The following LCOR variants were observed in gnomAD, a reference collection of about 807,000 sequenced individuals.
The protein encoded by LCOR is ligand-dependent corepressor.
In LCOR, 14 loss-of-function variants were observed where a neutral mutation model predicts 64.4. The ratio of observed to expected loss-of-function variants is 0.22; its 90% CI spans 0.14 to 0.34. LCOR has a LOEUF of 0.34. Ranked by LOEUF, LCOR falls within the 10% of genes least tolerant of loss-of-function variation. LCOR has a pLI of 1.00. For missense variants in LCOR, 1,686 were observed against 1,765.3 expected, an observed-to-expected ratio of 0.96 and a Z score of 0.80; for synonymous variants, 643 against 642.5, an observed-to-expected ratio of 1.00 and a Z score of -0.01.
At chr10:96,891,924 G>C (rs7912176) in intron 2 of LCOR, among the ~76,000 whole-genome samples, 53,438 of 151,974 alleles carry the variant, frequency 0.35, 13,383 homozygotes, top group African/African-American at 0.7. Context: ...TTTCCTGTTA[G>C]TGATTTCTAA....
In LCOR at chr10:96,988,726, A is replaced by G. The variant is rs1285497313; in HGVS notation, c.*3592A>G. 2 of 152,198 alleles carry G rather than the reference A, an allele frequency of 1.3e-5. No individual in the cohort carries two copies. Among genetic ancestry groups the G allele is most frequent in the Non-Finnish European group, 2.9e-5 (2 of 68,036 alleles). 9.4% of individuals were successfully genotyped at this position (152,198 alleles called of 1,614,324 possible). ...GCATGCTATGTGATACAAGCTGGAG[A>G]TGCTGTAGTGTTACTATCAGCAAGT... On this transcript the variant is annotated 3_prime_UTR_variant, in exon 8 of 8. Transcript: ENST00000421806.
chr10:96,893,522 T>C (rs969067837), intron 2 of LCOR, among the ~76,000 whole-genome samples: 3 of 152,136 alleles, frequency 2.0e-5, no homozygotes, highest in Admixed American at 6.5e-5. Flanking sequence ...CCCAGCACTT[T>C]GGGAGGCCGA....
intron 7 of LCOR, chr10:96,956,512 A>G: frequency 2.0e-6 from 2 of 983,092 alleles, no homozygotes; most frequent in South Asian, 4.7e-5. Flanking sequence ...TTATAGTTAC[A>G]TTTTATAATT....
At chr10:96,847,406 TTTTATTTA>T (rs137983276) in intron 2 of LCOR, among the ~76,000 whole-genome samples, 8,533 of 150,898 alleles carry the variant, frequency 0.057, 550 homozygotes, top group East Asian at 0.28. Context: ...GTCAAGAGTA[TTTTATTTA>T]TTTATTTATT....
intron 4 of LCOR, among the ~76,000 whole-genome samples, chr10:96,922,963 C>T (rs992904508): frequency 2.0e-5 from 3 of 152,186 alleles, no homozygotes; most frequent in Non-Finnish European, 4.4e-5. Flanking sequence ...GTCTGCTTAA[C>T]AGTCAGTGGT....
rs117151989 is a variant in LCOR, at chr10:96,911,394, G to T, written c.-184+3647G>T. On this transcript the variant is annotated intron_variant, in intron 4 of 7. Transcript: ENST00000421806. ...ATTACAGCGTGAGCCACCACGCCCTGCCACTCCTATTTAATCTTCAAAACA... is the reference window on the plus strand; with the variant it reads ...ATTACAGCGTGAGCCACCACGCCCTTCCACTCCTATTTAATCTTCAAAACA... 3.2e-3 allele frequency among the ~76,000 whole-genome samples: 481 copies of T among 152,156 alleles called. 1 individual carries two copies. Among genetic ancestry groups the T allele is most frequent in the Non-Finnish European group, 5.8e-3 (391 of 67,998 alleles).
chr10:96,956,601 C>G, intron 7 of LCOR: 1 of 985,680 alleles, frequency 1.0e-6, no homozygotes, highest in Non-Finnish European at 1.2e-6. Flanking sequence ...AAAATGTGCA[C>G]ACACTACCTT....
At chr10:96,853,373 G>C (rs149962565) in intron 2 of LCOR, among the ~76,000 whole-genome samples, 1 of 152,098 alleles carries the variant, frequency 6.6e-6, no homozygotes. Context: ...CATCATAAAC[G>C]GAAGAATAAA....
At chr10:96,892,690 G>A (rs777002166) in intron 2 of LCOR, among the ~76,000 whole-genome samples, 29 of 152,052 alleles carry the variant, frequency 1.9e-4, no homozygotes, top group Non-Finnish European at 3.8e-4. Flanking sequence ...GAATTTTTGG[G>A]GGGACTCCAA....
chr10:96,899,911 T>C (rs910206354), intron 2 of LCOR, among the ~76,000 whole-genome samples: 1 of 152,152 alleles, frequency 6.6e-6, no homozygotes, highest in African/African-American at 2.4e-5. Context: ...ACCTGTTTTG[T>C]AAACAGCTTT....
At chr10:96,885,461 T>TG (rs1846326996) in intron 2 of LCOR, among the ~76,000 whole-genome samples, 1 of 151,860 alleles carries the variant, frequency 6.6e-6, no homozygotes, top group Non-Finnish European at 1.5e-5. Flanking sequence ...GGCTCACTGT[T>TG]CCCTTGACCT....
chr10:96,889,498 C>T (rs945345269), intron 2 of LCOR, among the ~76,000 whole-genome samples: 2 of 152,176 alleles, frequency 1.3e-5, no homozygotes, highest in African/African-American at 4.8e-5. Context: ...CCCACACAGC[C>T]GTTTCTCTGT....
rs67974828 is a variant in LCOR at position 96,849,061 on chromosome 10, C to CTTTTTTT, written c.-330+15606_-330+15612dup. 5.9e-4 allele frequency among the ~76,000 whole-genome samples: 20 copies of CTTTTTTT among 33,838 alleles called. 1 individual carries two copies. Among genetic ancestry groups the CTTTTTTT allele is most frequent in the East Asian group, 2.9e-3 (2 of 678 alleles). 22.2% of individuals were successfully genotyped at this position (33,838 alleles called of 152,430 possible). ...TCCTCTCTGTCACCTGGCTAATTGT[C>CTTTTTTT]TTTTTTTTTTTTTTTTTTTTTTTTT... On this transcript the variant is annotated intron_variant, in intron 2 of 7. Coordinates refer to ENST00000421806, the MANE Select transcript of LCOR (RefSeq NM_001346516.2).
intron 2 of LCOR, among the ~76,000 whole-genome samples, chr10:96,858,595 A>G (rs1161918310): frequency 6.6e-6 from 1 of 152,208 alleles, no homozygotes; most frequent in African/African-American, 2.4e-5. Flanking sequence ...GATATTCAAT[A>G]TGATTGTCAC....
intron 5 of LCOR, among the ~76,000 whole-genome samples, chr10:96,946,081 G>T (rs1261939745): frequency 6.6e-6 from 1 of 151,956 alleles, no homozygotes; most frequent in East Asian, 1.9e-4. Flanking sequence ...GATGCTCAGA[G>T]AAAGAACTGT....
intron 7 of LCOR, chr10:96,957,318 TG>T: frequency 1.0e-6 from 1 of 985,266 alleles, no homozygotes; most frequent in Non-Finnish European, 1.2e-6. Context: ...AGATCATGTT[TG>T]TATAAGCACT....
chr10:96,934,612 A>AT (rs1248830753), intron 4 of LCOR, among the ~76,000 whole-genome samples: 5 of 152,104 alleles, frequency 3.3e-5, no homozygotes, highest in South Asian at 2.1e-4. Flanking sequence ...ATTTTTATTT[A>AT]TTTTTTTAAG....
intron 4 of LCOR, among the ~76,000 whole-genome samples, chr10:96,938,711 T>A (rs1376610428): frequency 3.3e-5 from 5 of 152,058 alleles, no homozygotes; most frequent in Non-Finnish European, 7.4e-5. Context: ...TAAAAAAAAA[T>A]AATAATTGTA....
At chr10:96,946,998 A>G (rs1185290711) in intron 5 of LCOR, among the ~76,000 whole-genome samples, 3 of 152,136 alleles carry the variant, frequency 2.0e-5, no homozygotes, top group Admixed American at 6.5e-5. Flanking sequence ...AATTTATACA[A>G]TAGTTCATAT....
Sources: gnomAD v4.1 joint callset for allele counts (sites outside exome capture counted in the v4.1 genomes callset) on GRCh38, gnomAD v4.1.1 for gene constraint, MANE v1.5 for transcripts, NCBI Gene and HGNC (gene_info 2026-07-23, HGNC 2026-07-21) for gene names.